RAB3GAP2: variants seen among roughly 807,000 people sequenced by gnomAD.
RAB3GAP2 encodes the protein rab3 GTPase-activating protein non-catalytic subunit.
In RAB3GAP2, 87 loss-of-function variants were observed where a neutral mutation model predicts 185.3. The ratio of observed to expected loss-of-function variants is 0.47; its 90% CI spans 0.39 to 0.56. The LOEUF is 0.56. Ranked by LOEUF, RAB3GAP2 falls within the 20% of genes least tolerant of loss-of-function variation. The pLI is 0.00. For missense variants in RAB3GAP2, 1,492 were observed against 1,638.2 expected, an observed-to-expected ratio of 0.91 and a Z score of 1.54; for synonymous variants, 554 against 576.1, an observed-to-expected ratio of 0.96 and a Z score of 0.55.
chr1:220,176,845 C>A (rs550510102), intron 21 of RAB3GAP2, among the ~76,000 whole-genome samples: 58 of 152,288 alleles, frequency 3.8e-4, no homozygotes, highest in African/African-American at 1.3e-3. Context: ...CAACATGAGA[C>A]ACACCAGCCT....
chr1:220,153,300 T>C lies in RAB3GAP2; in HGVS notation c.3752A>G (p.Asp1251Gly), dbSNP rs769405335. 1 of 1,614,196 alleles carries C rather than the reference T, an allele frequency of 6.2e-7. No homozygotes were observed. The highest frequency in any genetic ancestry group is 1.3e-5 in the African/African-American group (1 of 75,070). Residue 1251 changes from aspartate (D) to glycine (G), a missense_variant, in exon 33 of 35, where the codon GAT (aspartate) becomes GGT (glycine). Asp to Gly is a moderately conservative substitution (Grantham distance 94). Around this residue, in one of 5 missense-constraint regions of RAB3GAP2, gnomAD observed 387 missense variants for 455.3 expected, o/e 0.85. Coordinates refer to ENST00000358951, the MANE Select transcript of RAB3GAP2 (RefSeq NM_012414.4). ...TAAATCCACAGCTAGAGCTGGCCAA[T>C]CTTGGTCTTTCCCAAAAGGAGTGGG... The part of the protein sequence containing the change: ...ATPTPFGKDQ[D>G]WPALAVDLAH...
chr1:220,164,182 C>T (rs1658019801), intron 27 of RAB3GAP2, among the ~76,000 whole-genome samples: 1 of 152,132 alleles, frequency 6.6e-6, no homozygotes, highest in African/African-American at 2.4e-5. Context: ...AGGCTTTTGG[C>T]TACCAAGATT....
chr1:220,271,231 C>A lies in RAB3GAP2; in HGVS notation c.115+992G>T, dbSNP rs192131086. The A allele has an allele frequency of 3.9e-5, 6 of 152,262 alleles. No individual in the cohort carries two copies. In the East Asian group the frequency reaches 1.2e-3, roughly 29 times the overall value. 9.4% of individuals were successfully genotyped at this position (152,262 alleles called of 1,614,324 possible). A position where few individuals can be genotyped will look rare whatever the true frequency, so the allele number is the denominator to read the frequency against. On this transcript the variant is annotated intron_variant, in intron 1 of 34. Transcript: ENST00000358951. The stretch of plus-strand genomic sequence containing the variant: ...ACAGATGGGTTCGATTTGATATCTT[C>A]TAAATTTTCTAAAAAAGGGAGAGGA...
intron 21 of RAB3GAP2, among the ~76,000 whole-genome samples, chr1:220,179,595 T>C (rs746891493): frequency 1.1e-4 from 17 of 152,156 alleles, no homozygotes; most frequent in African/African-American, 3.4e-4. Flanking sequence ...ACATAAAACA[T>C]TCTCCAGGAC....
chr1:220,226,819 G>A (rs983307660), intron 2 of RAB3GAP2, among the ~76,000 whole-genome samples: 1 of 152,196 alleles, frequency 6.6e-6, no homozygotes, highest in South Asian at 2.1e-4. Context: ...ACTGTACTTG[G>A]TTGGACATAG....
chr1:220,190,630 T>A, intron 14 of RAB3GAP2, 110 bp from the exon 15 acceptor site: 1 of 1,136,572 alleles, frequency 8.8e-7, no homozygotes, highest in Non-Finnish European at 1.3e-6. Flanking sequence ...TTAGGAGCAT[T>A]AATAAGGCAA....
Position 220,190,085 on chromosome 1 carries a change from T to C in RAB3GAP2, c.1693A>G (p.Lys565Glu). The part of the protein sequence containing the change: ...HLVKKLAALL[K>E]TKSPNLDLVE... ...CTACCAAGATTGGGAGATTTTGTTT[T>C]CAGTAAGGCTGCTAGTTTCTTCACT... Residue 565 changes from lysine (K) to glutamate (E), a missense_variant, in exon 16 of 35, where the codon AAA (lysine) becomes GAA (glutamate). Transcript: ENST00000358951. 6.2e-7 allele frequency: 1 copy of C among 1,613,120 alleles called. No homozygotes were observed. Among genetic ancestry groups the C allele is most frequent in the African/African-American group, 1.3e-5 (1 of 75,020 alleles).
In RAB3GAP2 at chr1:220,150,968, CAAT is replaced by C; in HGVS notation, c.*280_*282del. The C allele has an allele frequency of 2.7e-6, 1 of 369,992 alleles. No individual in the cohort carries two copies. The highest frequency in any genetic ancestry group is 4.9e-6 in the Non-Finnish European group (1 of 205,476). The allele number at this position is 369,992 out of a possible 1,614,324, so 22.9% of individuals were successfully genotyped here. On this transcript the variant is annotated 3_prime_UTR_variant, in exon 35 of 35. Transcript: ENST00000358951. ...ACCAATTTTAAATAGCAAAGTTTAA[CAAT>C]AAAGCTACTTAAGTGTTTGAATTAG...
intron 1 of RAB3GAP2, among the ~76,000 whole-genome samples, chr1:220,248,645 A>C (rs1216244042): frequency 6.6e-6 from 1 of 151,796 alleles, no homozygotes; most frequent in African/African-American, 2.4e-5. Context: ...CTAAAGTTCA[A>C]TGGGAAGAAA....
Position 220,231,501 on chromosome 1 carries a change from A to G in RAB3GAP2, c.180+1298T>C, listed in dbSNP as rs151211254. Among the ~76,000 whole-genome samples the G allele has an allele frequency of 4.1e-3, 621 of 152,108 alleles. 20 individuals are homozygous for G. The highest frequency in any genetic ancestry group is 0.03 in the Admixed American group (461 of 15,284). ...CTCCCAGAAATAGGACTGTAAGAAG[A>G]CCTATCTAATATTCATTCTTCTTTC... On this transcript the variant is annotated intron_variant, in intron 2 of 34. Transcript: ENST00000358951.
At position 220,262,196 on chromosome 1, in the gene RAB3GAP2, G is replaced by A. The variant is rs1363988660; in HGVS notation, c.115+10027C>T. ...GGCACCTGTAGTCCCAGCTACTCGA[G>A]AGGCTGAGGGAGGAGAATGGTGTGA... On this transcript the variant is annotated intron_variant, in intron 1 of 34. Transcript: ENST00000358951. 2.0e-5 allele frequency among the ~76,000 whole-genome samples: 3 copies of A among 151,734 alleles called. No individual in the cohort carries two copies. The East Asian group carries it at 5.8e-4, about 29-fold the overall frequency.
intron 2 of RAB3GAP2, among the ~76,000 whole-genome samples, chr1:220,230,440 G>A (rs139417558): frequency 6.2e-4 from 95 of 152,296 alleles, no homozygotes; most frequent in African/African-American, 2.2e-3. Context: ...TGTTGTTCGC[G>A]GAGGTGCTGC....
chr1:220,187,059 TAA>T (rs1341271634), intron 17 of RAB3GAP2, among the ~76,000 whole-genome samples: 1 of 152,202 alleles, frequency 6.6e-6, no homozygotes, highest in Non-Finnish European at 1.5e-5. Context: ...AATAACTCAA[TAA>T]AGTGTTTTAA....
At chr1:220,153,114 T>G in intron 33 of RAB3GAP2, 71 bp downstream of exon 33, 1 of 1,193,200 alleles carries the variant, frequency 8.4e-7, no homozygotes, top group Non-Finnish European at 1.3e-6. Flanking sequence ...ATTGGAAACT[T>G]AACTGATTCT....
At position 220,195,125 on chromosome 1, in the gene RAB3GAP2, G is replaced by C; in HGVS notation, c.1083C>G (p.Val361=). 6.2e-7 allele frequency: 1 copy of C among 1,614,118 alleles called. No individual in the cohort carries two copies. Among genetic ancestry groups the C allele is most frequent in the African/African-American group, 1.3e-5 (1 of 75,034 alleles). Residue 361 remains valine, a synonymous_variant, in exon 12 of 35, where the codon GTC becomes GTG. Coordinates refer to ENST00000358951, the MANE Select transcript of RAB3GAP2 (RefSeq NM_012414.4). ...GWKSKHEEEA[V]QKQKPKVEPA... ...GCTCAACCTTCGGCTTTTGCTTTTG[G>C]ACAGCTTCTTCTTCGTGCTTACTTT...
intron 18 of RAB3GAP2, among the ~76,000 whole-genome samples, chr1:220,184,584 A>G (rs151149467): frequency 2.8e-3 from 426 of 152,272 alleles, no homozygotes; most frequent in African/African-American, 9.7e-3. Flanking sequence ...GAAATACAGT[A>G]TCATGGAATA....
At chr1:220,235,409 A>G (rs1659572869) in intron 1 of RAB3GAP2, among the ~76,000 whole-genome samples, 1 of 152,242 alleles carries the variant, frequency 6.6e-6, no homozygotes, top group Non-Finnish European at 1.5e-5. Flanking sequence ...ATTAGAAAGC[A>G]AAGAATCTAA....
In RAB3GAP2 at chr1:220,205,624, C is replaced by G. The variant is rs75708871; in HGVS notation, c.712+283G>C. Among the ~76,000 whole-genome samples, 6,554 of 152,272 alleles carry G rather than the reference C, an allele frequency of 0.043. 206 individuals carry two copies. Among genetic ancestry groups the G allele is most frequent in the Non-Finnish European group, 0.062 (4,217 of 68,020 alleles). On this transcript the variant is annotated intron_variant, in intron 8 of 34. Coordinates refer to ENST00000358951, the MANE Select transcript of RAB3GAP2 (RefSeq NM_012414.4). Reference sequence around the variant, plus strand: ...TTGTCAATGTTGGTTGCAAATCTAGCTAGCCAAGACATACTGCTGAATTCG... The same window carrying G: ...TTGTCAATGTTGGTTGCAAATCTAGGTAGCCAAGACATACTGCTGAATTCG...
In RAB3GAP2 at chr1:220,166,299, C is replaced by T. The variant is rs1274376676; in HGVS notation, c.3087+994G>A. Among the ~76,000 whole-genome samples the T allele has an allele frequency of 2.0e-5, 3 of 152,252 alleles. No individual in the cohort carries two copies. In the East Asian group the frequency reaches 5.8e-4, roughly 29 times the overall value. ...AGTATCGTTTCCATTAATATATTAGCATGAATTAGTTCATCTGTGAGAGTT... is the reference window on the plus strand; with the variant it reads ...AGTATCGTTTCCATTAATATATTAGTATGAATTAGTTCATCTGTGAGAGTT... On this transcript the variant is annotated intron_variant, in intron 26 of 34. Coordinates refer to ENST00000358951, the MANE Select transcript of RAB3GAP2 (RefSeq NM_012414.4).
Sources: allele counts gnomAD v4.1 joint callset (sites outside exome capture counted in the v4.1 genomes callset), GRCh38; gene constraint gnomAD v4.1.1; regional missense constraint gnomAD v4.1.1; transcripts MANE v1.5; gene names NCBI Gene and HGNC (gene_info 2026-07-23, HGNC 2026-07-21).